CAND1: variants seen among roughly 807,000 people sequenced by gnomAD.
CAND1 encodes cullin-associated NEDD8-dissociated protein 1.
In CAND1, 7 loss-of-function variants were observed where a neutral mutation model predicts 108.5. That is an observed-to-expected ratio of 0.06 (90% CI 0.04 to 0.12). The LOEUF is 0.12. Among genes scored for constraint, CAND1 ranks in the 10% least tolerant of loss-of-function variants. The probability of loss-of-function intolerance (pLI) is 1.00; values close to 1 mark genes in which losing one functional copy is unlikely to be tolerated. For missense variants in CAND1, 941 were observed against 1,448.7 expected (o/e 0.65, Z 5.69); for synonymous variants, 534 against 512.0 (o/e 1.04, Z -0.58).
At chr12:67,291,266 A>T (rs904382402) in intron 2 of CAND1, among the ~76,000 whole-genome samples, 3 of 152,214 alleles carry the variant, frequency 2.0e-5, no homozygotes, top group African/African-American at 7.2e-5. Context: ...AGCACAGGGT[A>T]GTGTAGTATT....
Position 67,269,696 on chromosome 12 carries a change from A to C in CAND1, c.-22A>C. 6.3e-7 allele frequency: 1 copy of C among 1,593,764 alleles called. No individual in the cohort carries two copies. Among genetic ancestry groups the C allele is most frequent in the South Asian group, 1.1e-5 (1 of 88,624 alleles). ...GGGCAGCAGCTCCAGCAGCGCCAGC[A>C]GGCGGGATCGAGGCCGTCAACATGG... On this transcript the variant is annotated 5_prime_UTR_variant, in exon 1 of 15. Transcript: ENST00000545606.
At chr12:67,283,301 T>C (rs1350625688) in intron 2 of CAND1, among the ~76,000 whole-genome samples, 5 of 152,108 alleles carry the variant, frequency 3.3e-5, no homozygotes, top group African/African-American at 9.7e-5. Flanking sequence ...AAAATGGTGT[T>C]GTATGGGAGT....
At chr12:67,304,996 AATAAT>A in intron 9 of CAND1, 103 bp from the exon 10 acceptor site, 1 of 984,762 alleles carries the variant, frequency 1.0e-6, no homozygotes, top group Non-Finnish European at 1.5e-6. Context: ...TACTTATAGA[AATAAT>A]ATAATGAAGT....
chr12:67,297,010 C>A (rs566766643), intron 4 of CAND1, among the ~76,000 whole-genome samples: 1 of 151,812 alleles, frequency 6.6e-6, no homozygotes, highest in South Asian at 2.1e-4. Flanking sequence ...GTTGCCCAGG[C>A]TGGTCTCGAA....
At chr12:67,295,421 G>A (rs112697944) in intron 4 of CAND1, among the ~76,000 whole-genome samples, 1 of 151,990 alleles carries the variant, frequency 6.6e-6, no homozygotes, top group Non-Finnish European at 1.5e-5. Context: ...TTTTAGCACG[G>A]TTCATGTTTT....
rs1186300197 is a variant in CAND1 at position 67,305,394 on chromosome 12, T to C, written c.1726T>C (p.Leu576=). 3 of 1,614,068 alleles carry C rather than the reference T, an allele frequency of 1.9e-6. No individual in the cohort carries two copies. In the Admixed American group the frequency reaches 5.0e-5, roughly 27 times the overall value. ...TCTATTTACCTGTACCATTAAGAGA[T>C]TAAAAGCAGCTGACATTGATCAGGA... ...KDLFTCTIKR[L]KAADIDQEVK... is the part of the protein sequence containing the mutation. The change falls in exon 10 of 15, where the codon TTA becomes CTA. Residue 576 remains leucine, a synonymous_variant. Coordinates refer to ENST00000545606, the MANE Select transcript of CAND1 (RefSeq NM_018448.5). This position sits in a 1 kb window ranked among gnomAD's most constrained non-coding sequence, Gnocchi z 4.4.
chr12:67,290,638 C>T (rs1363386970), intron 2 of CAND1, among the ~76,000 whole-genome samples: 2 of 152,130 alleles, frequency 1.3e-5, no homozygotes, highest in Non-Finnish European at 2.9e-5. Flanking sequence ...TGAATGCCTT[C>T]ATTTCATAAA....
rs371182589 is a variant in CAND1, at chr12:67,297,732, A to G, written c.749-16A>G. ...AATTAATGCATGTTTTTAAAGAACC[A>G]TTATGCTTTTCTTAGGTGAATACCT... On this transcript the variant is annotated splice_polypyrimidine_tract_variant and intron_variant, in intron 5 of 14. Transcript: ENST00000545606. The G allele has an allele frequency of 6.3e-6, 10 of 1,588,682 alleles. No individual in the cohort carries two copies. In the African/African-American group the frequency reaches 1.4e-4, roughly 22 times the overall value.
chr12:67,273,154 C>G (rs1036501101), intron 1 of CAND1, among the ~76,000 whole-genome samples: 1 of 152,194 alleles, frequency 6.6e-6, no homozygotes, highest in African/African-American at 2.4e-5. Flanking sequence ...TCAAATAAAA[C>G]CTTCAGAAGA....
chr12:67,307,338 G>T (rs2044897629), intron 10 of CAND1, 59 bp from the exon 11 acceptor site: 2 of 1,193,974 alleles, frequency 1.7e-6, no homozygotes, highest in African/African-American at 1.5e-5. Flanking sequence ...GTTTAAAAAT[G>T]ATGTCCGTGA....
At chr12:67,279,212 T>C (rs2044598017) in intron 1 of CAND1, among the ~76,000 whole-genome samples, 1 of 151,582 alleles carries the variant, frequency 6.6e-6, no homozygotes, top group Admixed American at 6.6e-5. Context: ...TCCAAACCAA[T>C]TTTTCCCATG....
intron 3 of CAND1, 40 bp downstream of exon 3, chr12:67,292,816 T>C: frequency 1.9e-6 from 3 of 1,601,874 alleles, no homozygotes; most frequent in Non-Finnish European, 2.6e-6. Flanking sequence ...TCTTTTTGTG[T>C]GGAGGTATTT....
chr12:67,307,580 A>G, intron 11 of CAND1, 88 bp downstream of exon 11: 1 of 783,312 alleles, frequency 1.3e-6, no homozygotes, highest in African/African-American at 1.7e-5. Flanking sequence ...AATATCGAGG[A>G]ATTAAAATGC....
At chr12:67,285,679 ATAATTTTATCATACAACATCTCC>A (rs1289440883) in intron 2 of CAND1, among the ~76,000 whole-genome samples, 1 of 152,180 alleles carries the variant, frequency 6.6e-6, no homozygotes, top group African/African-American at 2.4e-5. Context: ...ATAAAATTGT[ATAATTTTATCATACAACATCTCC>A]AATCAAGGTC....
At chr12:67,287,681 A>G (rs1278250264) in intron 2 of CAND1, among the ~76,000 whole-genome samples, 2 of 151,736 alleles carry the variant, frequency 1.3e-5, no homozygotes, top group Admixed American at 1.3e-4. Context: ...CGGTTTATTA[A>G]TTTTGTCTGT....
chr12:67,283,260 T>G (rs1484501545), intron 2 of CAND1, among the ~76,000 whole-genome samples: 1 of 152,162 alleles, frequency 6.6e-6, no homozygotes, highest in Non-Finnish European at 1.5e-5. Flanking sequence ...CTTGGGACAT[T>G]TGCAAGTTTA....
chr12:67,280,163 G>C (rs1037662302), intron 1 of CAND1, among the ~76,000 whole-genome samples: 1 of 152,106 alleles, frequency 6.6e-6, no homozygotes, highest in African/African-American at 2.4e-5. Context: ...GCAAATATAA[G>C]CTTTTTTAAA....
In CAND1 at chr12:67,314,195, T is replaced by G. The variant is rs745804595; in HGVS notation, c.*1365T>G. On this transcript the variant is annotated 3_prime_UTR_variant, in exon 15 of 15. Transcript: ENST00000545606. ...TGAAGGAGGCAGTTGTTAAATTGAG[T>G]GACCAATTTAAGCAATCAGATATTT... 6.6e-6 allele frequency: 1 copy of G among 152,128 alleles called. No homozygotes were observed. The highest frequency in any genetic ancestry group is 1.5e-5 in the Non-Finnish European group (1 of 67,992). The allele number at this position is 152,128 out of a possible 1,614,324, so 9.4% of individuals were successfully genotyped here.
chr12:67,304,664 A>G lies in CAND1; in HGVS notation c.1353A>G (p.Arg451=). ...KQMKEKSVKT[R]QCCFNMLTEL... ...TGAAAGAAAAAAGTGTGAAGACCCG[A>G]CAGTGTTGTTTTAACATGTTAACTG... Residue 451 remains arginine, a synonymous_variant, in exon 9 of 15, where the codon CGA becomes CGG. Transcript: ENST00000545606. 6.2e-7 allele frequency: 1 copy of G among 1,613,952 alleles called. No homozygotes were observed. Among genetic ancestry groups the G allele is most frequent in the Non-Finnish European group, 8.5e-7 (1 of 1,179,944 alleles).
Sources: gnomAD v4.1 joint callset for allele counts (sites outside exome capture counted in the v4.1 genomes callset) on GRCh38, gnomAD v4.1.1 for gene constraint, Gnocchi (gnomAD v3.1) non-coding constraint, MANE v1.5 for transcripts, NCBI Gene and HGNC (gene_info 2026-07-23, HGNC 2026-07-21) for gene names.